Variants in NDEL1 observed in about 807,000 individuals in gnomAD.
The protein encoded by NDEL1 is nudE neurodevelopment protein 1 like 1, also known as nuclear distribution protein nudE-like 1.
A neutral mutation model predicts 45.7 loss-of-function variants in NDEL1; 9 were observed. The observed-to-expected ratio is 0.20, with a 90% CI of 0.12 to 0.34. The LOEUF is 0.34. Ranked by LOEUF, NDEL1 falls within the 10% of genes least tolerant of loss-of-function variation. The probability of loss-of-function intolerance (pLI) is 1.00; values close to 1 mark genes in which losing one functional copy is unlikely to be tolerated. For missense variants in NDEL1, 306 were observed against 406.2 expected (o/e 0.75, Z 2.12); for synonymous variants, 133 against 158.6 (o/e 0.84, Z 1.21).
chr17:8,431,585 G>C (rs1275888284), upstream of NDEL1, among the ~76,000 whole-genome samples: 1 of 152,214 alleles, frequency 6.6e-6, no homozygotes, highest in Non-Finnish European at 1.5e-5. Context: ...TTTCTGGAGA[G>C]TTAGACAATT....
At chr17:8,437,901 A>G (rs1235622993) in intron 1 of NDEL1, among the ~76,000 whole-genome samples, 1 of 139,894 alleles carries the variant, frequency 7.1e-6, no homozygotes, top group South Asian at 2.3e-4. Flanking sequence ...TGCTTTTGAG[A>G]CTGTGTCCGT....
At chr17:8,469,635 T>C (rs1422314889), downstream of NDEL1, among the ~76,000 whole-genome samples, 1 of 152,086 alleles carries the variant, frequency 6.6e-6, no homozygotes, top group Non-Finnish European at 1.5e-5. Flanking sequence ...ACTTTCACTT[T>C]AAAATTAAAA....
At chr17:8,414,020 A>G (rs985773495) in intron 1 of NDEL1, among the ~76,000 whole-genome samples, 4 of 152,220 alleles carry the variant, frequency 2.6e-5, no homozygotes, top group African/African-American at 9.6e-5. Flanking sequence ...TTTTAAATGA[A>G]TATTTTTATG....
chr17:8,458,427 G>A (rs113672893), intron 7 of NDEL1, among the ~76,000 whole-genome samples: 146 of 152,044 alleles, frequency 9.6e-4, no homozygotes, highest in African/African-American at 3.0e-3. Flanking sequence ...CCTGGTGCTC[G>A]TGCTTGGATG....
chr17:8,452,157 C>T (rs1488370769), intron 6 of NDEL1, among the ~76,000 whole-genome samples: 1 of 152,120 alleles, frequency 6.6e-6, no homozygotes, highest in Non-Finnish European at 1.5e-5. Context: ...CATCAGGAGC[C>T]CTCACGGTCA....
At chr17:8,442,811 AC>A (rs1415826274) in intron 1 of NDEL1, among the ~76,000 whole-genome samples, 1 of 122,494 alleles carries the variant, frequency 8.2e-6, no homozygotes, top group South Asian at 2.5e-4. Context: ...AGATTTTTAG[AC>A]GGAGTCTCGC....
At chr17:8,462,669 A>T (rs1170472564) in intron 8 of NDEL1, 1 of 152,238 alleles carries the variant, frequency 6.6e-6, no homozygotes, top group Non-Finnish European at 1.5e-5. Context: ...GCCCCATTTG[A>T]AAAAGCCCTC....
chr17:8,440,946 C>G (rs1015211127), intron 1 of NDEL1, among the ~76,000 whole-genome samples: 1 of 152,202 alleles, frequency 6.6e-6, no homozygotes, highest in Non-Finnish European at 1.5e-5. Flanking sequence ...ACAATCCTAA[C>G]TCTTTTCGTA....
downstream of NDEL1, among the ~76,000 whole-genome samples, chr17:8,471,501 G>A (rs1314006038): frequency 1.3e-5 from 2 of 152,212 alleles, no homozygotes; most frequent in African/African-American, 2.4e-5. Context: ...GAGAGGCAGC[G>A]CTCTGCATGG....
chr17:8,427,951 T>C (rs1908880730), intron 1 of NDEL1, among the ~76,000 whole-genome samples: 1 of 152,222 alleles, frequency 6.6e-6, no homozygotes, highest in African/African-American at 2.4e-5. Flanking sequence ...GGTTACATCT[T>C]ATATTGCAGT....
chr17:8,415,182 CTT>C, intron 1 of NDEL1, among the ~76,000 whole-genome samples: 1 of 146,178 alleles, frequency 6.8e-6, no homozygotes, highest in East Asian at 2.2e-4. Flanking sequence ...CTCTTTCTCT[CTT>C]TCTTTCTTTT....
At chr17:8,456,727 G>C (rs1158517487) in intron 7 of NDEL1, among the ~76,000 whole-genome samples, 1 of 152,152 alleles carries the variant, frequency 6.6e-6, no homozygotes, top group Non-Finnish European at 1.5e-5. Context: ...TTGAACGCCT[G>C]ACTTCAGGTG....
chr17:8,467,051 G>C lies in NDEL1; in HGVS notation c.*28G>C. 1 of 1,610,370 alleles carries C rather than the reference G, an allele frequency of 6.2e-7. No individual in the cohort carries two copies. The highest frequency in any genetic ancestry group is 8.5e-7 in the Non-Finnish European group (1 of 1,177,166). On this transcript the variant is annotated 3_prime_UTR_variant, in exon 9 of 9. Transcript: ENST00000334527. The surrounding 1 kb of genome is among the most constrained non-coding windows in gnomAD (Gnocchi z 6.3). ...GCCTAGCCTCCAGGTGGGGGCTCCT[G>C]CCCTCCTCCAACAACCCAGGACACC...
chr17:8,432,629 C>T (rs560317277), upstream of NDEL1, among the ~76,000 whole-genome samples: 1 of 151,986 alleles, frequency 6.6e-6, no homozygotes, highest in Admixed American at 6.6e-5. Flanking sequence ...CGTGATCCGC[C>T]TGCCTCGGCT....
At chr17:8,439,027 T>C (rs8076637) in intron 1 of NDEL1, among the ~76,000 whole-genome samples, 146,043 of 150,356 alleles carry the variant, frequency 0.97, 71,087 homozygotes, top group East Asian at 1. Context: ...CTGCAAGTTC[T>C]GCCTCCCGGG....
Position 8,467,523 on chromosome 17 carries a change from CAA to C in NDEL1, c.*502_*503del. On this transcript the variant is annotated 3_prime_UTR_variant, in exon 9 of 9. Transcript: ENST00000334527. The surrounding 1 kb of genome is among the most constrained non-coding windows in gnomAD (Gnocchi z 6.3). The stretch of plus-strand genomic sequence containing the variant: ...CCTCACAGTTTGGGCCTGTTTCTGG[CAA>C]AGAGTCAGGAAGGTTACTGAATTAG... 3.2e-6 allele frequency: 1 copy of C among 316,314 alleles called. No homozygotes were observed. Among genetic ancestry groups the C allele is most frequent in the Non-Finnish European group, 5.8e-6 (1 of 173,854 alleles). The allele number at this position is 316,314 out of a possible 1,614,324, so 19.6% of individuals were successfully genotyped here.
chr17:8,414,064 TC>T (rs1037621686), intron 1 of NDEL1, among the ~76,000 whole-genome samples: 11 of 152,262 alleles, frequency 7.2e-5, no homozygotes, highest in Non-Finnish European at 1.2e-4. Flanking sequence ...AACCTTTTTT[TC>T]ACTTAATAGT....
chr17:8,415,069 A>T (rs112901445), intron 1 of NDEL1, among the ~76,000 whole-genome samples: 1 of 151,174 alleles, frequency 6.6e-6, no homozygotes, highest in East Asian at 1.9e-4. Flanking sequence ...TCTTGTGTGA[A>T]TCCTCTCTCT....
chr17:8,472,493 T>A (rs1911866949), downstream of NDEL1, among the ~76,000 whole-genome samples: 1 of 152,026 alleles, frequency 6.6e-6, no homozygotes, highest in Admixed American at 6.5e-5. Flanking sequence ...ACCCCGTTTC[T>A]ACAAAAAAAG....
Sources: allele counts gnomAD v4.1 joint callset (sites outside exome capture counted in the v4.1 genomes callset), GRCh38; gene constraint gnomAD v4.1.1; non-coding constraint Gnocchi (gnomAD v3.1); transcripts MANE v1.5; gene names NCBI Gene and HGNC (gene_info 2026-07-23, HGNC 2026-07-21).